The following CES1 variants were observed in gnomAD, a reference collection of about 807,000 sequenced individuals.
CES1 encodes carboxylesterase 1.
CES1 carries 50 observed loss-of-function variants against 53.0 expected under a neutral mutation model. That is an observed-to-expected ratio of 0.94 (90% CI 0.75 to 1.19). CES1 has a LOEUF of 1.19. Ranked by LOEUF, CES1 falls within the 50% of genes most tolerant of loss-of-function variation. The probability of loss-of-function intolerance (pLI) is 0.00; values close to 1 mark genes in which losing one functional copy is unlikely to be tolerated. For synonymous variants in CES1, 202 were observed against 210.1 expected (o/e 0.96, Z 0.33); for missense variants, 534 against 538.0 (o/e 0.99, Z 0.07).
At chr16:55,824,261 G>A (rs1382554807) in intron 3 of CES1, among the ~76,000 whole-genome samples, 6 of 152,280 alleles carry the variant, frequency 3.9e-5, no homozygotes, top group Non-Finnish European at 5.9e-5. Flanking sequence ...GATGCCTTCA[G>A]TCAATGGACT....
At chr16:55,814,669 G>A (rs1408893367) in intron 8 of CES1, among the ~76,000 whole-genome samples, 1 of 152,240 alleles carries the variant, frequency 6.6e-6, no homozygotes, top group Non-Finnish European at 1.5e-5. Flanking sequence ...AATCTTCCCA[G>A]TTCCACGCCC....
intron 1 of CES1, 48 bp from the exon 2 acceptor site, chr16:55,829,022 C>T (rs2032536459): frequency 6.4e-6 from 10 of 1,557,056 alleles, no homozygotes; most frequent in African/African-American, 1.4e-5. Flanking sequence ...AAAGGCTGGA[C>T]CCAGATTCCA....
At chr16:55,829,362 T>C (rs1368999188) in intron 1 of CES1, among the ~76,000 whole-genome samples, 15 of 152,276 alleles carry the variant, frequency 9.9e-5, no homozygotes, top group African/African-American at 3.1e-4. Flanking sequence ...CACTGACCAT[T>C]ATAGGGAAGG....
At chr16:55,826,808 C>A (rs1201845580) in intron 2 of CES1, among the ~76,000 whole-genome samples, 1 of 152,190 alleles carries the variant, frequency 6.6e-6, no homozygotes, top group Non-Finnish European at 1.5e-5. Flanking sequence ...CTGCCTCTCC[C>A]AGGCAGTTGC....
intron 8 of CES1, 89 bp downstream of exon 8, chr16:55,816,835 C>T (rs2031963553): frequency 1.4e-6 from 2 of 1,438,936 alleles, no homozygotes; most frequent in South Asian, 1.1e-5. Flanking sequence ...ACTATAATTA[C>T]CCAAGAGATG....
chr16:55,830,919 G>A (rs2032639394), intron 1 of CES1, among the ~76,000 whole-genome samples: 1 of 152,152 alleles, frequency 6.6e-6, no homozygotes, highest in African/African-American at 2.4e-5. Flanking sequence ...CAGAGGTGGG[G>A]GAAATGGAAG....
chr16:55,817,270 C>T (rs769462878), intron 7 of CES1, among the ~76,000 whole-genome samples: 2 of 152,084 alleles, frequency 1.3e-5, no homozygotes, highest in African/African-American at 2.4e-5. Flanking sequence ...GATATATCTG[C>T]CTAAGAGTGA....
chr16:55,821,204 C>CT (rs1454011528), intron 5 of CES1, among the ~76,000 whole-genome samples, 164 bp downstream of exon 5: 1 of 150,804 alleles, frequency 6.6e-6, no homozygotes, highest in African/African-American at 2.4e-5. Context: ...CCAAGGAGAG[C>CT]TGGTCTTTAG....
At chr16:55,816,576 G>T (rs1323132102) in intron 8 of CES1, among the ~76,000 whole-genome samples, 1 of 152,164 alleles carries the variant, frequency 6.6e-6, no homozygotes, top group Non-Finnish European at 1.5e-5. Flanking sequence ...GCTAATCATC[G>T]CTGTTATCTC....
intron 6 of CES1, 60 bp downstream of exon 6, chr16:55,820,312 G>C (rs1327539244): frequency 3.4e-5 from 36 of 1,051,668 alleles, no homozygotes; most frequent in Non-Finnish European, 5.0e-5. Context: ...TGAGGATTCA[G>C]GAGCATAGAG....
chr16:55,810,002 C>T (rs1374318419), intron 11 of CES1, among the ~76,000 whole-genome samples: 1 of 152,242 alleles, frequency 6.6e-6, no homozygotes, highest in Non-Finnish European at 1.5e-5. Flanking sequence ...AGGCCTGAGG[C>T]CTTTGTCTGG....
chr16:55,817,967 G>T (rs866242380), intron 7 of CES1, among the ~76,000 whole-genome samples: 2 of 152,160 alleles, frequency 1.3e-5, no homozygotes, highest in African/African-American at 4.8e-5. Flanking sequence ...GCCTCCTTCC[G>T]GGCGTTAGAA....
At chr16:55,811,222 A>C (rs1264641033) in intron 9 of CES1, among the ~76,000 whole-genome samples, 5 of 150,552 alleles carry the variant, frequency 3.3e-5, no homozygotes, top group African/African-American at 7.3e-5. Context: ...AAAAAAAAAA[A>C]CAAAAAACAA....
chr16:55,831,611 C>T (rs2032676961), intron 1 of CES1, among the ~76,000 whole-genome samples: 1 of 150,230 alleles, frequency 6.7e-6, no homozygotes, highest in Non-Finnish European at 1.5e-5. Context: ...GAAGTGGAGG[C>T]AGCCTGTATG....
intron 4 of CES1, among the ~76,000 whole-genome samples, chr16:55,822,410 G>C (rs2032235772): frequency 6.6e-5 from 10 of 152,240 alleles, no homozygotes; most frequent in Admixed American, 6.5e-4. Context: ...CAAGAGGGTT[G>C]TGAGAAAAGA....
At chr16:55,825,642 G>A (rs1271380034) in intron 3 of CES1, among the ~76,000 whole-genome samples, 6 of 152,242 alleles carry the variant, frequency 3.9e-5, no homozygotes, top group Non-Finnish European at 7.3e-5. Flanking sequence ...GCTGGAGAAA[G>A]GCCACATACA....
intron 10 of CES1, 115 bp downstream of exon 10, chr16:55,810,812 T>TG: frequency 7.1e-7 from 1 of 1,406,608 alleles, no homozygotes; most frequent in Non-Finnish European, 1.0e-6. Flanking sequence ...GGTGGAAAGA[T>TG]GGGGGAAACC....
At chr16:55,809,899 G>T (rs1407611209) in intron 11 of CES1, among the ~76,000 whole-genome samples, 1 of 152,208 alleles carries the variant, frequency 6.6e-6, no homozygotes, top group African/African-American at 2.4e-5. Flanking sequence ...CTCCAGGCAT[G>T]GAGCCCTTGC....
intron 5 of CES1, among the ~76,000 whole-genome samples, chr16:55,820,866 C>T (rs1428356202): frequency 1.3e-5 from 2 of 152,148 alleles, no homozygotes; most frequent in Non-Finnish European, 2.9e-5. Flanking sequence ...CCTTCTTGGG[C>T]ATGGACAAGC....
Sources: allele counts gnomAD v4.1 joint callset (sites outside exome capture counted in the v4.1 genomes callset), GRCh38; gene constraint gnomAD v4.1.1; transcripts MANE v1.5; gene names NCBI Gene and HGNC (gene_info 2026-07-23, HGNC 2026-07-21).